The following MB21D2 variants were observed in gnomAD, a reference collection of about 807,000 sequenced individuals.
The protein encoded by MB21D2 is nucleotidyltransferase MB21D2.
In MB21D2, 9 loss-of-function variants were observed where a neutral mutation model predicts 33.3. The ratio of observed to expected loss-of-function variants is 0.27; its 90% CI spans 0.16 to 0.47. The LOEUF (loss-of-function observed/expected upper bound fraction) is 0.47. Among genes scored for constraint, MB21D2 ranks in the 20% least tolerant of loss-of-function variants. MB21D2 has a pLI of 0.99. For missense variants in MB21D2, 540 were observed against 624.6 expected (o/e 0.86, Z 1.44); for synonymous variants, 241 against 236.3 (o/e 1.02, Z -0.18).
chr3:192,799,076 A>G lies in MB21D2; in HGVS notation c.786T>C (p.Ile262=). Residue 262 remains isoleucine (I), a synonymous_variant, in exon 2 of 2, where the codon ATT becomes ATC. Coordinates refer to ENST00000392452, the MANE Select transcript of MB21D2 (RefSeq NM_178496.4). This position sits in a 1 kb window ranked among gnomAD's most constrained non-coding sequence, Gnocchi z 4.1. ...ACCCACTGATGACCTCTTCCTCAGT[A>G]ATCTTCCCATCCCAAAAGTGGTTCT... ...LMENHFWDGK[I]TEEEVISGFY... 1 of 1,614,090 alleles carries G rather than the reference A, an allele frequency of 6.2e-7. No individual in the cohort carries two copies. The highest frequency in any genetic ancestry group is 8.5e-7 in the Non-Finnish European group (1 of 1,179,986).
rs941046682 is a variant in MB21D2, at chr3:192,867,399, G to GA, written c.211+50230dup. On this transcript the variant is annotated intron_variant, in intron 1 of 1. Transcript: ENST00000392452. The stretch of plus-strand genomic sequence containing the variant: ...ATTCTGTCAGTATCTTATTTGCAAA[G>GA]AAAAAACAATATACCCTGGCTGTCA... Among the ~76,000 whole-genome samples, 5 of 152,086 alleles carry GA rather than the reference G, an allele frequency of 3.3e-5. No individual in the cohort carries two copies. The South Asian group carries it at 8.3e-4, about 25-fold the overall frequency.
chr3:192,875,197 A>C (rs1713403986), intron 1 of MB21D2, among the ~76,000 whole-genome samples: 1 of 152,176 alleles, frequency 6.6e-6, no homozygotes, highest in Non-Finnish European at 1.5e-5. Context: ...GACATCATTT[A>C]TTACTTATGT....
chr3:192,845,122 A>G (rs1410896406), intron 1 of MB21D2, among the ~76,000 whole-genome samples: 2 of 152,248 alleles, frequency 1.3e-5, no homozygotes, highest in East Asian at 3.8e-4. Flanking sequence ...TCCTTGGGAA[A>G]CTCGGAAGTT....
At chr3:192,906,946 T>C (rs570661510) in intron 1 of MB21D2, among the ~76,000 whole-genome samples, 2 of 152,352 alleles carry the variant, frequency 1.3e-5, no homozygotes, top group South Asian at 4.1e-4. Context: ...CAACTCCCAC[T>C]ACTGACTTAA....
At chr3:192,878,337 C>G (rs1713486360) in intron 1 of MB21D2, among the ~76,000 whole-genome samples, 1 of 152,120 alleles carries the variant, frequency 6.6e-6, no homozygotes, top group Non-Finnish European at 1.5e-5. Context: ...AGGACTAAGT[C>G]ATTTAAAAAG....
intron 1 of MB21D2, among the ~76,000 whole-genome samples, chr3:192,849,111 C>G (rs1015477258): frequency 1.3e-5 from 2 of 152,240 alleles, no homozygotes; most frequent in African/African-American, 4.8e-5. Flanking sequence ...AAATGGCTGG[C>G]ATTCCACTAT....
At chr3:192,825,320 C>G (rs971244788) in intron 1 of MB21D2, among the ~76,000 whole-genome samples, 2 of 152,096 alleles carry the variant, frequency 1.3e-5, no homozygotes, top group African/African-American at 4.8e-5. Context: ...AAACAGAGGC[C>G]TGGATAAATG....
At chr3:192,903,642 A>G (rs1045989577) in intron 1 of MB21D2, among the ~76,000 whole-genome samples, 6 of 152,112 alleles carry the variant, frequency 3.9e-5, no homozygotes, top group African/African-American at 1.4e-4. Flanking sequence ...TAGAGTTTGG[A>G]TATTTGCTCT....
At chr3:192,847,579 T>G (rs1712702977) in intron 1 of MB21D2, among the ~76,000 whole-genome samples, 2 of 152,180 alleles carry the variant, frequency 1.3e-5, no homozygotes, top group Admixed American at 1.3e-4. Context: ...TGTTCTACAG[T>G]CACAACAATG....
At chr3:192,809,845 C>T (rs910128357) in intron 1 of MB21D2, among the ~76,000 whole-genome samples, 10 of 152,224 alleles carry the variant, frequency 6.6e-5, no homozygotes, top group Middle Eastern at 3.2e-3. Context: ...AGCTCTTGGA[C>T]AACTTTCAGA....
intron 1 of MB21D2, among the ~76,000 whole-genome samples, chr3:192,830,551 G>C (rs746664239): frequency 6.6e-6 from 1 of 152,050 alleles, no homozygotes; most frequent in Non-Finnish European, 1.5e-5. Flanking sequence ...AACTTCATGA[G>C]GCAGCCTCCT....
chr3:192,860,158 T>C (rs1013492272), intron 1 of MB21D2, among the ~76,000 whole-genome samples: 7 of 152,134 alleles, frequency 4.6e-5, no homozygotes, highest in Non-Finnish European at 5.9e-5. Context: ...GTGCCCCACA[T>C]GGCCGAGTAG....
At chr3:192,896,038 G>A (rs954708609) in intron 1 of MB21D2, among the ~76,000 whole-genome samples, 3 of 152,278 alleles carry the variant, frequency 2.0e-5, no homozygotes, top group Non-Finnish European at 2.9e-5. Flanking sequence ...CCACAAAAAC[G>A]TGGAAGAGAA....
At chr3:192,915,585 A>G (rs1714447120) in intron 1 of MB21D2, among the ~76,000 whole-genome samples, 1 of 152,218 alleles carries the variant, frequency 6.6e-6, no homozygotes, top group Non-Finnish European at 1.5e-5. Context: ...CCCAGGGGGC[A>G]AGAAAGACTG....
rs71635401 is a variant in MB21D2, at chr3:192,901,413, C to CAAAAAAAAAAA, written c.211+16206_211+16216dup. Among the ~76,000 whole-genome samples the CAAAAAAAAAAA allele has an allele frequency of 9.5e-3, 927 of 97,374 alleles. 7 individuals carry two copies. The highest frequency in any genetic ancestry group is 0.014 in the Non-Finnish European group (666 of 49,224). The allele number at this position is 97,374 out of a possible 152,430, so 63.9% of individuals were successfully genotyped here. A position where few individuals can be genotyped will look rare whatever the true frequency, so the allele number is the denominator to read the frequency against. ...TGAAACCCCGTCTCTACTAAAAATT[C>CAAAAAAAAAAA]AAAAAAAAAAAAAAAAAAAAAGACT... is the stretch of plus-strand genomic sequence containing the variant. On this transcript the variant is annotated intron_variant, in intron 1 of 1. Coordinates refer to ENST00000392452, the MANE Select transcript of MB21D2 (RefSeq NM_178496.4).
chr3:192,885,708 T>G (rs576835323), intron 1 of MB21D2, among the ~76,000 whole-genome samples: 33 of 152,078 alleles, frequency 2.2e-4, no homozygotes, highest in Non-Finnish European at 3.5e-4. Context: ...TAGAAGATAC[T>G]TTCAGGGCCA....
chr3:192,855,811 G>T (rs1577184989), intron 1 of MB21D2, among the ~76,000 whole-genome samples: 1 of 152,212 alleles, frequency 6.6e-6, no homozygotes, highest in South Asian at 2.1e-4. Context: ...GGTGGCTCAT[G>T]CCTGTAATCC....
At chr3:192,849,943 C>G (rs938692284) in intron 1 of MB21D2, among the ~76,000 whole-genome samples, 2 of 143,768 alleles carry the variant, frequency 1.4e-5, no homozygotes, top group African/African-American at 2.6e-5. Flanking sequence ...TTTTTCGAGA[C>G]AGTCTCACTC....
At chr3:192,916,594 A>C (rs1410077214) in intron 1 of MB21D2, among the ~76,000 whole-genome samples, 1 of 152,232 alleles carries the variant, frequency 6.6e-6, no homozygotes, top group Non-Finnish European at 1.5e-5. Flanking sequence ...ACCGCTTGAC[A>C]GCCACGGATC....
Sources: allele counts gnomAD v4.1 joint callset (sites outside exome capture counted in the v4.1 genomes callset), GRCh38; gene constraint gnomAD v4.1.1; non-coding constraint Gnocchi (gnomAD v3.1); transcripts MANE v1.5; gene names NCBI Gene and HGNC (gene_info 2026-07-23, HGNC 2026-07-21).